Variants in RNF14 observed in about 807,000 individuals in gnomAD.
The protein encoded by RNF14 is E3 ubiquitin-protein ligase RNF14.
Under a neutral mutation model 52.6 loss-of-function variants are expected in RNF14, and 26 were observed. The observed-to-expected ratio is 0.49, with a 90% CI of 0.36 to 0.69. RNF14 has a LOEUF of 0.69. Ranked by LOEUF, RNF14 falls within the 30% of genes least tolerant of loss-of-function variation. RNF14 has a pLI of 0.00. For synonymous variants in RNF14, 194 were observed against 202.0 expected (o/e 0.96, Z 0.34); for missense variants, 404 against 560.4 (o/e 0.72, Z 2.82).
chr5:141,974,385 TTGGGACATGCTGGTCTAAG>T (rs1308584213), intron 3 of RNF14, among the ~76,000 whole-genome samples: 3 of 152,326 alleles, frequency 2.0e-5, no homozygotes, highest in South Asian at 4.1e-4. Flanking sequence ...TCATGGGTAG[TTGGGACATGCTGGTCTAAG>T]TGGGACATGC....
upstream of RNF14, among the ~76,000 whole-genome samples, chr5:141,967,823 AAAT>A (rs1200719592): frequency 3.3e-5 from 5 of 152,258 alleles, no homozygotes; most frequent in African/African-American, 1.2e-4. Context: ...GTACCTAAAA[AAAT>A]TTTTTAATTA....
upstream of RNF14, chr5:141,955,607 C>A (rs771978204): frequency 6.2e-7 from 1 of 1,614,138 alleles, no homozygotes; most frequent in South Asian, 1.1e-5. This position sits in a 1 kb window ranked among gnomAD's most constrained non-coding sequence, Gnocchi z 5.5. Context: ...CAGTTGTAGG[C>A]CCTGTTGTCC....
At chr5:141,956,806 A>G, upstream of RNF14, 1 of 1,614,232 alleles carries the variant, frequency 6.2e-7, no homozygotes, top group Non-Finnish European at 8.5e-7. Flanking sequence ...GATGCTTGGG[A>G]TGTTGTCATT....
In RNF14 at chr5:141,980,275, C is replaced by T. The variant is rs768298374; in HGVS notation, c.987C>T (p.Cys329=). Residue 329 remains cysteine (C), a synonymous_variant, in exon 6 of 9, where the codon TGC becomes TGT. Transcript: ENST00000394520. The part of the protein sequence containing the change: ...MQEPGCTMGI[C]SSCNFAFCTL... ...AACCTGGCTGCACCATGGGTATCTG[C>T]TCCAGCTGCAATTTTGCCTTCTGTA... 2 of 1,614,142 alleles carry T rather than the reference C, an allele frequency of 1.2e-6. No homozygotes were observed. The highest frequency in any genetic ancestry group is 1.3e-5 in the African/African-American group (1 of 74,944).
upstream of RNF14, among the ~76,000 whole-genome samples, chr5:141,966,559 CG>C (rs1350582684): frequency 6.6e-6 from 1 of 152,052 alleles, no homozygotes; most frequent in African/African-American, 2.4e-5. Flanking sequence ...GCTAGGCACA[CG>C]GGGAGACTGC....
intron 5 of RNF14, among the ~76,000 whole-genome samples, chr5:141,979,228 TGGTGGTGTTGTTGTTG>T (rs1754540306): frequency 2.8e-5 from 2 of 71,382 alleles, no homozygotes; most frequent in East Asian, 2.3e-3. Context: ...ACTTAGGTGG[TGGTGGTGTTGTTGTTG>T]TTGTTGTTGT....
At chr5:141,976,992 T>C (rs1754327060) in intron 4 of RNF14, among the ~76,000 whole-genome samples, 4 of 152,172 alleles carry the variant, frequency 2.6e-5, no homozygotes, top group Admixed American at 1.3e-4. Context: ...GGTTTCACCA[T>C]GTTGGCCAGG....
intron 2 of RNF14, among the ~76,000 whole-genome samples, chr5:141,972,424 G>A (rs1753863449): frequency 6.6e-6 from 1 of 151,812 alleles, no homozygotes; most frequent in African/African-American, 2.4e-5. Flanking sequence ...AGCTCTTGTG[G>A]GTGGAAGCGG....
At chr5:141,983,644 C>T in intron 7 of RNF14, 92 bp downstream of exon 7, 1 of 1,074,010 alleles carries the variant, frequency 9.3e-7, no homozygotes, top group Non-Finnish European at 1.3e-6. Flanking sequence ...TTATGACTTA[C>T]AAAACACATG....
At chr5:141,983,171 T>C (rs970520267) in intron 6 of RNF14, among the ~76,000 whole-genome samples, 3 of 152,206 alleles carry the variant, frequency 2.0e-5, no homozygotes, top group African/African-American at 4.8e-5. Flanking sequence ...TGTCATTAAA[T>C]GGCTCTTCCA....
upstream of RNF14, among the ~76,000 whole-genome samples, chr5:141,962,268 A>G (rs926029991): frequency 2.6e-5 from 4 of 152,204 alleles, no homozygotes; most frequent in Non-Finnish European, 4.4e-5. Context: ...TGCAGGGAGA[A>G]ATTTGCCAAG....
Position 141,978,304 on chromosome 5 carries a change from T to C in RNF14, c.308T>C (p.Leu103Pro), listed in dbSNP as rs1482399664. The change falls in exon 5 of 9, where the codon CTA becomes CCA. Residue 103 changes from leucine (L) to proline (P), a missense_variant and splice_region_variant. Transcript: ENST00000394520. Reference sequence around the variant, plus strand: ...ACATCTTCATGTGTTTTCTCCTAGCTATCTGCTCTATGCAAGCACTTAGAC... The same window carrying C: ...ACATCTTCATGTGTTTTCTCCTAGCCATCTGCTCTATGCAAGCACTTAGAC... ...LSGKWLSPTQLSALCKHLDNL... is the reference protein window; with the variant it reads ...LSGKWLSPTQPSALCKHLDNL... 1 of 1,572,776 alleles carries C rather than the reference T, an allele frequency of 6.4e-7. No homozygotes were observed. Among genetic ancestry groups the C allele is most frequent in the African/African-American group, 1.4e-5 (1 of 73,656 alleles).
At chr5:141,981,879 A>G (rs1034013887) in intron 6 of RNF14, among the ~76,000 whole-genome samples, 2 of 152,060 alleles carry the variant, frequency 1.3e-5, no homozygotes, top group African/African-American at 4.8e-5. Flanking sequence ...AAAAAGAAAA[A>G]TAGTAATTAT....
intron 8 of RNF14, among the ~76,000 whole-genome samples, chr5:141,987,074 G>A (rs1191449726): frequency 6.6e-6 from 1 of 152,206 alleles, no homozygotes; most frequent in Non-Finnish European, 1.5e-5. Flanking sequence ...AACTGCAGAA[G>A]GGAGGGGCAG....
upstream of RNF14, among the ~76,000 whole-genome samples, chr5:141,963,957 C>T (rs1753295764): frequency 6.6e-6 from 1 of 152,158 alleles, no homozygotes; most frequent in Non-Finnish European, 1.5e-5. Flanking sequence ...AAATCTCACC[C>T]CTCTTTCCTC....
upstream of RNF14, chr5:141,955,487 A>G (rs1478739435): frequency 9.3e-6 from 15 of 1,613,954 alleles, no homozygotes; most frequent in Non-Finnish European, 1.2e-5. This position sits in a 1 kb window ranked among gnomAD's most constrained non-coding sequence, Gnocchi z 5.5. Flanking sequence ...CCGACTTCAC[A>G]AGGCTCACCT....
chr5:141,963,488 T>A (rs1450691906), upstream of RNF14, among the ~76,000 whole-genome samples: 1 of 152,024 alleles, frequency 6.6e-6, no homozygotes, highest in Non-Finnish European at 1.5e-5. Flanking sequence ...TGTGCATGAA[T>A]ATTCAGAAGC....
upstream of RNF14, chr5:141,957,847 A>G: frequency 6.3e-7 from 1 of 1,597,584 alleles, no homozygotes; most frequent in Non-Finnish European, 8.5e-7. The surrounding 1 kb of genome is among the most constrained non-coding windows in gnomAD (Gnocchi z 4.3). Flanking sequence ...CAGAAGTTGC[A>G]TCATGCTTAC....
At position 141,984,936 on chromosome 5, in the gene RNF14, A is replaced by G. The variant is rs2127054369; in HGVS notation, c.1367+3A>G. The stretch of plus-strand genomic sequence containing the variant: ...CCTGGTTCACCATGTTTTAACCGGT[A>G]TGTATACACAGAATTCCTCAGGCTC... On this transcript the variant is annotated splice_donor_region_variant and intron_variant, in intron 8 of 8. Coordinates refer to ENST00000394520, the MANE Select transcript of RNF14 (RefSeq NM_004290.5). The G allele has an allele frequency of 4.3e-6, 7 of 1,612,516 alleles. No homozygotes were observed. Among genetic ancestry groups the G allele is most frequent in the Non-Finnish European group, 5.9e-6 (7 of 1,178,754 alleles).
Sources: gnomAD v4.1 joint callset for allele counts (sites outside exome capture counted in the v4.1 genomes callset) on GRCh38, gnomAD v4.1.1 for gene constraint, Gnocchi (gnomAD v3.1) non-coding constraint, MANE v1.5 for transcripts, NCBI Gene and HGNC (gene_info 2026-07-23, HGNC 2026-07-21) for gene names.